The following RSRC1 variants were observed in gnomAD, a reference collection of about 807,000 sequenced individuals.
RSRC1 encodes the protein arginine and serine rich coiled-coil 1.
In RSRC1, 39 loss-of-function variants were observed where a neutral mutation model predicts 49.1. That is an observed-to-expected ratio of 0.79 (90% CI 0.61 to 1.04). The LOEUF (loss-of-function observed/expected upper bound fraction) is 1.04, where lower values mean the gene tolerates loss of function less well. RSRC1 is among the 50% of genes least tolerant of loss of function. RSRC1 has a pLI of 0.00. For synonymous variants in RSRC1, 143 were observed against 130.8 expected (o/e 1.09, Z -0.63); for missense variants, 388 against 402.4 (o/e 0.96, Z 0.31).
At chr3:158,427,424 A>T (rs1341025243) in intron 6 of RSRC1, among the ~76,000 whole-genome samples, 4 of 151,794 alleles carry the variant, frequency 2.6e-5, no homozygotes, top group Non-Finnish European at 5.9e-5. Flanking sequence ...GTGTGGCTTT[A>T]TTTGTGTTTG....
intron 5 of RSRC1, among the ~76,000 whole-genome samples, chr3:158,326,488 C>G (rs1417474643): frequency 6.6e-6 from 1 of 152,072 alleles, no homozygotes; most frequent in Non-Finnish European, 1.5e-5. Context: ...TTGAGATAAT[C>G]ATGTGGTTTT....
intron 6 of RSRC1, among the ~76,000 whole-genome samples, chr3:158,414,445 G>A (rs1219160415): frequency 6.6e-6 from 1 of 151,954 alleles, no homozygotes; most frequent in African/African-American, 2.4e-5. Context: ...TAATGCATGT[G>A]AGGCTTAATA....
intron 7 of RSRC1, among the ~76,000 whole-genome samples, chr3:158,493,929 T>C (rs1356986491): frequency 6.6e-6 from 1 of 152,150 alleles, no homozygotes; most frequent in Non-Finnish European, 1.5e-5. Context: ...TTAGTTTAAT[T>C]TATAAATATC....
chr3:158,163,971 T>C (rs1200636066), intron 3 of RSRC1, among the ~76,000 whole-genome samples: 1 of 152,170 alleles, frequency 6.6e-6, no homozygotes, highest in Admixed American at 6.5e-5. Context: ...TCTGTACTTC[T>C]AACAAATTTT....
In RSRC1 at chr3:158,538,175, A is replaced by G. The variant is rs539501672; in HGVS notation, c.759+977A>G. Among the ~76,000 whole-genome samples, 3 of 151,808 alleles carry G rather than the reference A, an allele frequency of 2.0e-5. No homozygotes were observed. The South Asian group carries it at 6.2e-4, about 31-fold the overall frequency. On this transcript the variant is annotated intron_variant, in intron 8 of 9. Coordinates refer to ENST00000611884, the MANE Select transcript of RSRC1 (RefSeq NM_001271838.2). ...TAAAAATTGGCCTGTTTCCATTAGC[A>G]CTTCTTTTGTTATTAGTGAGATTAA...
At chr3:158,167,240 G>T (rs1201747841) in intron 3 of RSRC1, among the ~76,000 whole-genome samples, 1 of 152,102 alleles carries the variant, frequency 6.6e-6, no homozygotes, top group Non-Finnish European at 1.5e-5. Flanking sequence ...AAGGTGCAGT[G>T]CAGTAGTACG....
chr3:158,229,418 A>G (rs980064034), intron 4 of RSRC1, among the ~76,000 whole-genome samples: 4 of 125,938 alleles, frequency 3.2e-5, no homozygotes, highest in Non-Finnish European at 5.1e-5. Flanking sequence ...GTATATGTGT[A>G]TGTATGTATG....
chr3:158,532,572 C>A (rs530074575), intron 7 of RSRC1, among the ~76,000 whole-genome samples: 17 of 151,710 alleles, frequency 1.1e-4, no homozygotes, highest in Non-Finnish European at 2.2e-4. Flanking sequence ...GTAACTAATA[C>A]AATTTTTTAA....
intron 4 of RSRC1, among the ~76,000 whole-genome samples, chr3:158,297,763 G>T (rs539459208): frequency 2.7e-4 from 41 of 152,034 alleles, no homozygotes; most frequent in African/African-American, 9.4e-4. Flanking sequence ...TAGATATTGT[G>T]TGAAGAATAA....
At chr3:158,197,709 T>G (rs1720725034) in intron 3 of RSRC1, among the ~76,000 whole-genome samples, 2 of 152,202 alleles carry the variant, frequency 1.3e-5, no homozygotes, top group Admixed American at 1.3e-4. Context: ...TCTCGTTGGT[T>G]TCAAAGAACA....
At chr3:158,121,687 T>C (rs1251769253) in intron 1 of RSRC1, among the ~76,000 whole-genome samples, 1 of 152,224 alleles carries the variant, frequency 6.6e-6, no homozygotes, top group Non-Finnish European at 1.5e-5. Flanking sequence ...GAATAGTTGG[T>C]TGATTACTAA....
At chr3:158,315,717 A>T (rs994821142) in intron 5 of RSRC1, among the ~76,000 whole-genome samples, 2 of 152,168 alleles carry the variant, frequency 1.3e-5, no homozygotes, top group African/African-American at 4.8e-5. Context: ...ATTACTAGAC[A>T]GATTTACTTG....
intron 4 of RSRC1, among the ~76,000 whole-genome samples, chr3:158,230,912 TAAG>T (rs1252406468): frequency 1.3e-5 from 2 of 152,148 alleles, no homozygotes; most frequent in Non-Finnish European, 2.9e-5. Context: ...AGTTGTATTT[TAAG>T]ATGAGAAGGA....
chr3:158,197,190 G>A (rs1356695443), intron 3 of RSRC1, among the ~76,000 whole-genome samples: 4 of 152,162 alleles, frequency 2.6e-5, no homozygotes, highest in Non-Finnish European at 5.9e-5. Flanking sequence ...CCTGTTATTG[G>A]TCTATTCAGG....
intron 9 of RSRC1, 143 bp downstream of exon 9, chr3:158,543,630 C>G: frequency 1.3e-6 from 1 of 791,854 alleles, no homozygotes. Flanking sequence ...GCATCTGGCC[C>G]CCAGGCCTTT....
At chr3:158,269,472 A>G (rs1725383993) in intron 4 of RSRC1, among the ~76,000 whole-genome samples, 1 of 152,132 alleles carries the variant, frequency 6.6e-6, no homozygotes, top group Non-Finnish European at 1.5e-5. Flanking sequence ...TTGACGATGA[A>G]GTTTATTTTC....
chr3:158,242,264 C>T (rs1578234749), intron 4 of RSRC1, among the ~76,000 whole-genome samples: 1 of 152,052 alleles, frequency 6.6e-6, no homozygotes, highest in Non-Finnish European at 1.5e-5. Context: ...CATGTATTCT[C>T]ATCATTCAGC....
intron 5 of RSRC1, among the ~76,000 whole-genome samples, chr3:158,324,120 A>G (rs763701839): frequency 1.1e-4 from 17 of 152,210 alleles, no homozygotes; most frequent in Non-Finnish European, 2.2e-4. Flanking sequence ...CAGTATATCA[A>G]TATAGCAAAA....
At chr3:158,276,299 G>T in intron 4 of RSRC1, 1 of 762,364 alleles carries the variant, frequency 1.3e-6, no homozygotes, top group Non-Finnish European at 2.4e-6. Flanking sequence ...GCCAGATGGG[G>T]TGGGGAGCCC....
Sources: gnomAD v4.1 joint callset for allele counts (sites outside exome capture counted in the v4.1 genomes callset) on GRCh38, gnomAD v4.1.1 for gene constraint, MANE v1.5 for transcripts, NCBI Gene and HGNC (gene_info 2026-07-23, HGNC 2026-07-21) for gene names.